Variants in LPP observed in about 807,000 individuals in gnomAD.
The protein encoded by LPP is LIM domain containing preferred translocation partner in lipoma.
Under a neutral mutation model 60.4 loss-of-function variants are expected in LPP, and 38 were observed. That is an observed-to-expected ratio of 0.63 (90% CI 0.49 to 0.83). LPP has a LOEUF of 0.83. Ranked by LOEUF, LPP falls within the 40% of genes least tolerant of loss-of-function variation. LPP has a pLI of 0.00. For synonymous variants in LPP, 328 were observed against 290.8 expected, an observed-to-expected ratio of 1.13 and a Z score of -1.30; for missense variants, 902 against 783.6, an observed-to-expected ratio of 1.15 and a Z score of -1.80.
At chr3:188,342,497 A>G (rs571574595) in intron 3 of LPP, among the ~76,000 whole-genome samples, 2 of 152,320 alleles carry the variant, frequency 1.3e-5, no homozygotes, top group Admixed American at 1.3e-4. Flanking sequence ...AATGAGCTCT[A>G]CTGTGTTTTA....
chr3:188,393,236 G>A (rs1413873760), intron 3 of LPP, among the ~76,000 whole-genome samples: 1 of 152,004 alleles, frequency 6.6e-6, no homozygotes, highest in Non-Finnish European at 1.5e-5. Context: ...GAGGCTGAGT[G>A]AATAGGTTAG....
chr3:188,789,040 T>A (rs1206528919), intron 9 of LPP, among the ~76,000 whole-genome samples: 1 of 152,056 alleles, frequency 6.6e-6, no homozygotes, highest in Non-Finnish European at 1.5e-5. Context: ...GCCACTAACC[T>A]CAGTTATTTT....
chr3:188,350,435 G>A (rs1765532061), intron 3 of LPP, among the ~76,000 whole-genome samples: 1 of 152,254 alleles, frequency 6.6e-6, no homozygotes, highest in Non-Finnish European at 1.5e-5. Flanking sequence ...CCAGCTTGCA[G>A]TGGGACTCGG....
intron 7 of LPP, among the ~76,000 whole-genome samples, chr3:188,672,448 T>C (rs1857136476): frequency 6.6e-6 from 1 of 152,220 alleles, no homozygotes; most frequent in South Asian, 2.1e-4. Context: ...TAATTTGTTG[T>C]TGTCGTTGGA....
intron 10 of LPP, among the ~76,000 whole-genome samples, chr3:188,868,657 C>A (rs1767283387): frequency 6.6e-6 from 1 of 152,152 alleles, no homozygotes; most frequent in Admixed American, 6.5e-5. Flanking sequence ...TACAAAGCAG[C>A]TAAAAGTCCA....
chr3:188,607,398 T>C (rs1286847264), intron 6 of LPP, among the ~76,000 whole-genome samples: 1 of 67,522 alleles, frequency 1.5e-5, no homozygotes. Context: ...TATATATATA[T>C]ATATATATAT....
chr3:188,315,542 T>G (rs1431763293), intron 2 of LPP, among the ~76,000 whole-genome samples: 1 of 152,194 alleles, frequency 6.6e-6, no homozygotes, highest in Non-Finnish European at 1.5e-5. Flanking sequence ...GATGCTTATT[T>G]GTATGCCTTA....
chr3:188,627,267 G>A (rs933514793), intron 7 of LPP, among the ~76,000 whole-genome samples: 1 of 152,124 alleles, frequency 6.6e-6, no homozygotes, highest in Non-Finnish European at 1.5e-5. Flanking sequence ...GTAACAACAT[G>A]ATGGCAAGAT....
intron 2 of LPP, among the ~76,000 whole-genome samples, chr3:188,327,423 C>A (rs1044062221): frequency 3.0e-5 from 4 of 135,132 alleles, no homozygotes; most frequent in African/African-American, 1.1e-4. Flanking sequence ...TTAATGGATC[C>A]TTATATTGGA....
At chr3:188,826,204 C>G (rs1755437860) in intron 9 of LPP, among the ~76,000 whole-genome samples, 1 of 152,156 alleles carries the variant, frequency 6.6e-6, no homozygotes, top group African/African-American at 2.4e-5. Context: ...GAAAGAGAAG[C>G]CTACGCTTTC....
At chr3:188,817,994 G>T (rs1327009448) in intron 9 of LPP, among the ~76,000 whole-genome samples, 2 of 152,196 alleles carry the variant, frequency 1.3e-5, no homozygotes, top group Non-Finnish European at 2.9e-5. Flanking sequence ...AATATGTTCA[G>T]AGTGCAAGCA....
rs1322626096 is a variant in LPP at position 188,804,243 on chromosome 3, T to TTTTATATATATATA, written c.1410+43962_1410+43963insTTATATATATATAT. On this transcript the variant is annotated intron_variant, in intron 9 of 11. Transcript: ENST00000617246. ...ATTATGTTTTCAATGTAGTGCATCT[T>TTTTATATATATATA]TATATATATATATATATATATATAT... 1.0e-3 allele frequency among the ~76,000 whole-genome samples: 39 copies of TTTTATATATATATA among 37,710 alleles called. 1 individual carries two copies. Among genetic ancestry groups the TTTTATATATATATA allele is most frequent in the African/African-American group, 4.2e-3 (37 of 8,842 alleles). 24.7% of individuals were successfully genotyped at this position (37,710 alleles called of 152,430 possible). A position where few individuals can be genotyped will look rare whatever the true frequency, so the allele number is the denominator to read the frequency against.
At chr3:188,851,580 A>G (rs997255770) in intron 9 of LPP, among the ~76,000 whole-genome samples, 5 of 152,198 alleles carry the variant, frequency 3.3e-5, no homozygotes, top group African/African-American at 1.2e-4. Context: ...GCTTCATGAA[A>G]TTACACTGCA....
intron 2 of LPP, among the ~76,000 whole-genome samples, chr3:188,251,561 A>T (rs1729637649): frequency 6.6e-6 from 1 of 152,156 alleles, no homozygotes; most frequent in Non-Finnish European, 1.5e-5. Flanking sequence ...ATCTGTAAAT[A>T]TATGGGTGCA....
intron 3 of LPP, among the ~76,000 whole-genome samples, chr3:188,362,523 C>A (rs1196185380): frequency 6.6e-6 from 1 of 152,180 alleles, no homozygotes; most frequent in Admixed American, 6.5e-5. Flanking sequence ...TTTTACATCC[C>A]CTTCCATCCT....
intron 8 of LPP, among the ~76,000 whole-genome samples, chr3:188,713,435 T>A (rs4464445): frequency 0.056 from 8,576 of 152,124 alleles, 312 homozygotes; most frequent in Non-Finnish European, 0.086. Context: ...TTAGAGAAAT[T>A]TGAATATCAA....
chr3:188,755,623 G>A (rs1472186069), intron 8 of LPP, among the ~76,000 whole-genome samples: 1 of 151,884 alleles, frequency 6.6e-6, no homozygotes, highest in African/African-American at 2.4e-5. Flanking sequence ...GGGAAGCACA[G>A]CAAGACCCTA....
chr3:188,193,096 A>G (rs1728618967), intron 1 of LPP, among the ~76,000 whole-genome samples: 1 of 152,200 alleles, frequency 6.6e-6, no homozygotes, highest in African/African-American at 2.4e-5. Context: ...AGAGTAAATC[A>G]ATAACATGTT....
chr3:188,592,685 G>A (rs927104223), intron 6 of LPP, among the ~76,000 whole-genome samples: 2 of 151,642 alleles, frequency 1.3e-5, no homozygotes, highest in African/African-American at 2.4e-5. Context: ...GGGATGACAG[G>A]TGCCCACCAC....
Sources: allele counts gnomAD v4.1 joint callset (sites outside exome capture counted in the v4.1 genomes callset), GRCh38; gene constraint gnomAD v4.1.1; transcripts MANE v1.5; gene names NCBI Gene and HGNC (gene_info 2026-07-23, HGNC 2026-07-21).